USP32: variants seen among roughly 807,000 people sequenced by gnomAD.
USP32 encodes ubiquitin carboxyl-terminal hydrolase 32.
In USP32, 59 loss-of-function variants were observed where a neutral mutation model predicts 204.8. The observed-to-expected ratio is 0.29, with a 90% CI of 0.23 to 0.36. The LOEUF is 0.36. Ranked by LOEUF, USP32 falls within the 10% of genes least tolerant of loss-of-function variation. The probability of loss-of-function intolerance (pLI) is 1.00; values close to 1 mark genes in which losing one functional copy is unlikely to be tolerated. For synonymous variants in USP32, 517 were observed against 678.4 expected, an observed-to-expected ratio of 0.76 and a Z score of 3.70; for missense variants, 1,160 against 1,946.4, an observed-to-expected ratio of 0.60 and a Z score of 7.60.
Position 60,345,607 on chromosome 17 carries a change from A to C in USP32, c.60T>G (p.Val20=). 2 of 1,614,118 alleles carry C rather than the reference A, an allele frequency of 1.2e-6. No individual in the cohort carries two copies. Among genetic ancestry groups the C allele is most frequent in the Non-Finnish European group, 1.7e-6 (2 of 1,179,974 alleles). ...TCAGTCGTTTTAGCTCTACATCTGT[A>C]ACTGCAATTCAGAAACAGAAGATGG... ...FLSYEEALRR[V]TDVELKRLKD... Residue 20 remains valine (V), a splice_region_variant and synonymous_variant, in exon 2 of 34, where the codon GTT becomes GTG. Transcript: ENST00000300896.
chr17:60,361,755 C>T (rs1377637110), intron 1 of USP32, among the ~76,000 whole-genome samples: 1 of 152,128 alleles, frequency 6.6e-6, no homozygotes, highest in Non-Finnish European at 1.5e-5. Flanking sequence ...CTTATCCTGT[C>T]ATTCAGAAGG....
At chr17:60,193,033 A>G in intron 27 of USP32, 103 bp from the exon 28 acceptor site, 3 of 1,220,666 alleles carry the variant, frequency 2.5e-6, no homozygotes, top group Non-Finnish European at 3.5e-6. Context: ...GGCATTTGCC[A>G]TAGCAGTACG....
intron 7 of USP32, among the ~76,000 whole-genome samples, chr17:60,269,167 T>C (rs1445553069): frequency 6.6e-6 from 1 of 152,206 alleles, no homozygotes; most frequent in Non-Finnish European, 1.5e-5. Flanking sequence ...AAATTTTCAA[T>C]TACATCATAG....
chr17:60,337,513 T>C (rs1355788059), intron 2 of USP32, among the ~76,000 whole-genome samples: 1 of 152,184 alleles, frequency 6.6e-6, no homozygotes, highest in Non-Finnish European at 1.5e-5. Context: ...AAATATTCGC[T>C]AAGTATATAC....
upstream of USP32, among the ~76,000 whole-genome samples, chr17:60,396,320 G>C (rs534742321): frequency 9.1e-4 from 139 of 152,050 alleles, no homozygotes; most frequent in African/African-American, 3.2e-3. Context: ...CAAGTAATCC[G>C]CCTGCCTTAG....
At chr17:60,193,125 T>C (rs2145416470) in intron 27 of USP32, among the ~76,000 whole-genome samples, 195 bp from the exon 28 acceptor site, 1 of 152,356 alleles carries the variant, frequency 6.6e-6, no homozygotes, top group Middle Eastern at 3.4e-3. Flanking sequence ...TCCCATCCTC[T>C]ATCTGGGCTT....
intron 9 of USP32, among the ~76,000 whole-genome samples, chr17:60,258,950 C>G (rs2145738175): frequency 6.6e-6 from 1 of 152,244 alleles, no homozygotes; most frequent in East Asian, 1.9e-4. Flanking sequence ...TACAGTGCAC[C>G]TAGAACTACT....
chr17:60,293,138 C>T lies in USP32; in HGVS notation c.411+1545G>A, dbSNP rs533106937. 8.5e-5 allele frequency among the ~76,000 whole-genome samples: 13 copies of T among 152,236 alleles called. No individual in the cohort carries two copies. In the East Asian group the frequency reaches 1.5e-3, roughly 18 times the overall value. On this transcript the variant is annotated intron_variant, in intron 4 of 33. Coordinates refer to ENST00000300896, the MANE Select transcript of USP32 (RefSeq NM_032582.4). ...AACAAGATTCAGATTTTCTCTATTA[C>T]CACCTTCTTCCTTTATTCTACTTTA...
At chr17:60,199,644 T>C (rs1457472654) in intron 26 of USP32, among the ~76,000 whole-genome samples, 2 of 152,230 alleles carry the variant, frequency 1.3e-5, no homozygotes, top group Non-Finnish European at 2.9e-5. Flanking sequence ...ATTCAGATTA[T>C]TAAGCATTTT....
At chr17:60,220,928 G>A (rs1393297210) in intron 15 of USP32, among the ~76,000 whole-genome samples, 4 of 152,096 alleles carry the variant, frequency 2.6e-5, no homozygotes, top group South Asian at 4.1e-4. Flanking sequence ...GATTACAGGC[G>A]TGAGCCACCG....
chr17:60,373,030 G>A (rs2089470492), intron 1 of USP32, among the ~76,000 whole-genome samples: 1 of 151,880 alleles, frequency 6.6e-6, no homozygotes, highest in African/African-American at 2.4e-5. Context: ...AGCCAGGTAT[G>A]GTGGCATGCA....
intron 2 of USP32, among the ~76,000 whole-genome samples, chr17:60,329,032 CCAGA>C (rs1219701925): frequency 3.9e-5 from 6 of 152,088 alleles, no homozygotes; most frequent in African/African-American, 7.2e-5. Context: ...CCCAGCGGGC[CCAGA>C]CAAAGGCGCC....
intron 1 of USP32, among the ~76,000 whole-genome samples, chr17:60,365,061 C>A (rs925307961): frequency 6.6e-6 from 1 of 152,134 alleles, no homozygotes; most frequent in Non-Finnish European, 1.5e-5. Flanking sequence ...GTTAAGAAAT[C>A]ATGTTATTTC....
chr17:60,252,031 T>C (rs1393829096), intron 11 of USP32, among the ~76,000 whole-genome samples: 1 of 152,058 alleles, frequency 6.6e-6, no homozygotes, highest in Non-Finnish European at 1.5e-5. Context: ...CAATTATCTA[T>C]AAATTATCTA....
chr17:60,179,682 AT>A (rs1223468963), intron 33 of USP32, among the ~76,000 whole-genome samples: 3 of 150,832 alleles, frequency 2.0e-5, no homozygotes, highest in African/African-American at 7.5e-5. Context: ...CTATTTATTT[AT>A]TTTTTTGAGA....
chr17:60,214,259 T>A (rs1439987971), intron 17 of USP32, among the ~76,000 whole-genome samples: 1 of 152,226 alleles, frequency 6.6e-6, no homozygotes, highest in Non-Finnish European at 1.5e-5. Flanking sequence ...TAGTTTATAA[T>A]GTAACATATA....
chr17:60,252,411 G>C lies in USP32; in HGVS notation c.1106C>G (p.Ala369Gly). Reference sequence around the variant, plus strand: ...AATTTGTCCTTCTTCTTCCGGAGTAGCTGGTCTTAACCCCAGAACTATGTG... The same window carrying C: ...AATTTGTCCTTCTTCTTCCGGAGTACCTGGTCTTAACCCCAGAACTATGTG... ...VCHIVLGLRPATPEEEGQIIR... is the reference protein window; with the variant it reads ...VCHIVLGLRPGTPEEEGQIIR... The change falls in exon 11 of 34, where the codon GCT becomes GGT. Residue 369 changes from alanine (A) to glycine (G), a missense_variant. Around this residue, in one of 8 missense-constraint regions of USP32, gnomAD observed 536 missense variants for 680.9 expected, o/e 0.79. Transcript: ENST00000300896. 6.2e-7 allele frequency: 1 copy of C among 1,610,040 alleles called. No individual in the cohort carries two copies. The highest frequency in any genetic ancestry group is 8.5e-7 in the Non-Finnish European group (1 of 1,178,308).
At chr17:60,345,156 T>C (rs1032683457) in intron 2 of USP32, among the ~76,000 whole-genome samples, 3 of 152,186 alleles carry the variant, frequency 2.0e-5, no homozygotes, top group Non-Finnish European at 4.4e-5. Context: ...TTATAAAACA[T>C]ATTTGCAACA....
chr17:60,386,925 A>T (rs2089742100), intron 1 of USP32, among the ~76,000 whole-genome samples: 1 of 152,260 alleles, frequency 6.6e-6, no homozygotes, highest in Admixed American at 6.5e-5. Flanking sequence ...GTGACTACAT[A>T]TAAGCAGACT....
Sources: gnomAD v4.1 joint callset for allele counts (sites outside exome capture counted in the v4.1 genomes callset) on GRCh38, gnomAD v4.1.1 for gene constraint, gnomAD v4.1.1 regional missense constraint, MANE v1.5 for transcripts, NCBI Gene and HGNC (gene_info 2026-07-23, HGNC 2026-07-21) for gene names.